Variants in L3MBTL4 observed in about 807,000 individuals in gnomAD.
The protein encoded by L3MBTL4 is L3MBTL histone methyl-lysine binding protein 4.
Under a neutral mutation model 84.5 loss-of-function variants are expected in L3MBTL4, and 70 were observed. The ratio of observed to expected loss-of-function variants is 0.83; its 90% CI spans 0.68 to 1.01. L3MBTL4 has a LOEUF of 1.01. L3MBTL4 is among the 50% of genes least tolerant of loss of function. The pLI is 0.00. For missense variants in L3MBTL4, 715 were observed against 754.8 expected, an observed-to-expected ratio of 0.95 and a Z score of 0.62; for synonymous variants, 274 against 259.8, an observed-to-expected ratio of 1.05 and a Z score of -0.52.
intron 15 of L3MBTL4, among the ~76,000 whole-genome samples, chr18:6,084,295 C>T (rs1237956654): frequency 6.6e-6 from 1 of 152,164 alleles, no homozygotes; most frequent in East Asian, 1.9e-4. Flanking sequence ...CTGTCTAGGG[C>T]TGCTTTCACT....
chr18:6,171,476 T>C (rs1339467279), intron 13 of L3MBTL4, among the ~76,000 whole-genome samples: 1 of 152,212 alleles, frequency 6.6e-6, no homozygotes, highest in Admixed American at 6.5e-5. Context: ...GTCTATTCTA[T>C]AAAATAAAGA....
At chr18:6,086,125 A>T (rs959252587) in intron 15 of L3MBTL4, among the ~76,000 whole-genome samples, 2 of 152,228 alleles carry the variant, frequency 1.3e-5, no homozygotes, top group East Asian at 3.8e-4. Context: ...AATAATGAGA[A>T]AAAGATCATG....
At chr18:6,401,320 A>C (rs2055501840) in intron 1 of L3MBTL4, among the ~76,000 whole-genome samples, 2 of 152,178 alleles carry the variant, frequency 1.3e-5, no homozygotes, top group African/African-American at 4.8e-5. Context: ...CCAAGTATTA[A>C]TTTTATATGT....
intron 5 of L3MBTL4, among the ~76,000 whole-genome samples, chr18:6,261,651 G>T (rs567734971): frequency 1.3e-5 from 2 of 152,192 alleles, no homozygotes; most frequent in East Asian, 3.9e-4. Context: ...ACCATCATGA[G>T]GATTTATTTC....
chr18:6,165,531 A>G (rs2043603672), intron 13 of L3MBTL4, among the ~76,000 whole-genome samples: 1 of 149,060 alleles, frequency 6.7e-6, no homozygotes. Flanking sequence ...AATATTCAAC[A>G]TTCTTAAAAA....
intron 13 of L3MBTL4, 130 bp from the exon 14 acceptor site, chr18:6,138,426 G>A (rs1314658711): frequency 3.6e-5 from 21 of 582,008 alleles, no homozygotes; most frequent in South Asian, 2.8e-4. Context: ...CCACTTACAG[G>A]TGACTTACGA....
At chr18:6,101,869 G>T (rs2058843890) in intron 14 of L3MBTL4, among the ~76,000 whole-genome samples, 1 of 152,088 alleles carries the variant, frequency 6.6e-6, no homozygotes, top group Non-Finnish European at 1.5e-5. Context: ...CCTTCCACTT[G>T]TTATAAATAT....
At chr18:6,104,363 G>C (rs1439010712) in intron 14 of L3MBTL4, among the ~76,000 whole-genome samples, 1 of 152,138 alleles carries the variant, frequency 6.6e-6, no homozygotes, top group East Asian at 1.9e-4. Flanking sequence ...AGAAGATATG[G>C]TATATACATA....
intron 12 of L3MBTL4, among the ~76,000 whole-genome samples, chr18:6,207,003 C>T (rs1205491189): frequency 6.6e-6 from 1 of 152,186 alleles, no homozygotes; most frequent in Non-Finnish European, 1.5e-5. Flanking sequence ...TGGCAGATTA[C>T]AGCCCACAGG....
At chr18:6,357,934 C>T (rs188688108) in intron 1 of L3MBTL4, among the ~76,000 whole-genome samples, 250 of 152,296 alleles carry the variant, frequency 1.6e-3, no homozygotes, top group Non-Finnish European at 2.8e-3. Context: ...TCTTTCAGTT[C>T]CTTGGGAAGA....
At chr18:6,105,420 T>G (rs2058971437) in intron 14 of L3MBTL4, among the ~76,000 whole-genome samples, 1 of 151,494 alleles carries the variant, frequency 6.6e-6, no homozygotes, top group African/African-American at 2.4e-5. Flanking sequence ...GAACTCCTGA[T>G]CTCAGGTGAT....
intron 16 of L3MBTL4, among the ~76,000 whole-genome samples, chr18:5,971,442 A>T (rs1159498210): frequency 6.6e-6 from 1 of 152,224 alleles, no homozygotes; most frequent in Admixed American, 6.5e-5. Flanking sequence ...TGTGGACTTA[A>T]ACTCAACATA....
rs1489422018 is a variant in L3MBTL4 at position 6,153,328 on chromosome 18, TAA to T, written c.1097-15034_1097-15033del. On this transcript the variant is annotated intron_variant, in intron 13 of 18. Coordinates refer to ENST00000317931, the MANE Select transcript of L3MBTL4 (RefSeq NM_001330559.2). ...TTTTGAGTAGTATGAATTTTAACAT[TAA>T]GTCTTCCAGTCCACGAATATGGGAT... Among the ~76,000 whole-genome samples, 4 of 152,204 alleles carry T rather than the reference TAA, an allele frequency of 2.6e-5. No homozygotes were observed. In the East Asian group the frequency reaches 7.7e-4, roughly 29 times the overall value.
chr18:6,202,638 G>T (rs1334055391), intron 12 of L3MBTL4, among the ~76,000 whole-genome samples: 1 of 152,158 alleles, frequency 6.6e-6, no homozygotes, highest in Non-Finnish European at 1.5e-5. Flanking sequence ...TCTGGAGTTA[G>T]TGTCCATTGA....
intron 16 of L3MBTL4, among the ~76,000 whole-genome samples, chr18:6,017,375 C>T (rs2055041672): frequency 6.6e-6 from 1 of 152,236 alleles, no homozygotes; most frequent in Admixed American, 6.5e-5. Flanking sequence ...ACAGTCTCCT[C>T]TTGACACTGA....
At chr18:6,231,585 A>G (rs2047002275) in intron 10 of L3MBTL4, among the ~76,000 whole-genome samples, 1 of 152,186 alleles carries the variant, frequency 6.6e-6, no homozygotes, top group Non-Finnish European at 1.5e-5. Flanking sequence ...AAGTTCTTTC[A>G]GCAATGTTGT....
At chr18:6,035,925 C>A (rs2056114592) in intron 16 of L3MBTL4, among the ~76,000 whole-genome samples, 1 of 152,124 alleles carries the variant, frequency 6.6e-6, no homozygotes, top group South Asian at 2.1e-4. Flanking sequence ...TAGCAGAAGG[C>A]AAGAAATAAC....
chr18:6,246,774 T>C (rs1238270591), intron 5 of L3MBTL4, among the ~76,000 whole-genome samples: 3 of 151,984 alleles, frequency 2.0e-5, no homozygotes, highest in African/African-American at 7.2e-5. Context: ...TGTGATGGTG[T>C]GTGCCTGTAA....
At chr18:6,391,743 A>C (rs1305911267) in intron 1 of L3MBTL4, among the ~76,000 whole-genome samples, 1 of 103,524 alleles carries the variant, frequency 9.7e-6, no homozygotes, top group Admixed American at 8.9e-5. Flanking sequence ...ATCTGCAAAC[A>C]ACAACAACAA....
Sources: allele counts gnomAD v4.1 joint callset (sites outside exome capture counted in the v4.1 genomes callset), GRCh38; gene constraint gnomAD v4.1.1; transcripts MANE v1.5; gene names NCBI Gene and HGNC (gene_info 2026-07-23, HGNC 2026-07-21).